The following CTNNA3 variants were observed in gnomAD, a reference collection of about 807,000 sequenced individuals.
CTNNA3 encodes the protein catenin alpha 3.
CTNNA3 carries 76 observed loss-of-function variants against 95.7 expected under a neutral mutation model. The observed-to-expected ratio is 0.79, with a 90% CI of 0.66 to 0.96. The LOEUF (loss-of-function observed/expected upper bound fraction) is 0.96. CTNNA3 is among the 40% of genes least tolerant of loss of function. The probability of loss-of-function intolerance (pLI) is 0.00; values close to 1 mark genes in which losing one functional copy is unlikely to be tolerated. For missense variants in CTNNA3, 1,191 were observed against 1,089.8 expected, an observed-to-expected ratio of 1.09 and a Z score of -1.31; for synonymous variants, 431 against 374.4, an observed-to-expected ratio of 1.15 and a Z score of -1.74.
chr10:66,362,343 CT>C (rs2092682273), intron 12 of CTNNA3, among the ~76,000 whole-genome samples: 1 of 151,438 alleles, frequency 6.6e-6, no homozygotes, highest in Non-Finnish European at 1.5e-5. Context: ...CCTCATGATC[CT>C]CCCACCTCGG....
chr10:66,186,766 G>A (rs1014740218), intron 13 of CTNNA3, among the ~76,000 whole-genome samples: 3 of 152,000 alleles, frequency 2.0e-5, no homozygotes, highest in African/African-American at 7.2e-5. Context: ...GTGTCGTTGT[G>A]GGCAGCAGTA....
At chr10:66,943,532 T>C (rs1848129008) in intron 7 of CTNNA3, among the ~76,000 whole-genome samples, 1 of 139,570 alleles carries the variant, frequency 7.2e-6, no homozygotes, top group Non-Finnish European at 1.6e-5. Context: ...TTTTTTTTTT[T>C]CAGTATTAGC....
intron 7 of CTNNA3, among the ~76,000 whole-genome samples, chr10:66,986,672 C>A (rs2132911531): frequency 6.6e-6 from 1 of 152,218 alleles, no homozygotes; most frequent in East Asian, 1.9e-4. Context: ...GTCAACTATA[C>A]CTTGTAAGTC....
rs114304517 is a variant in CTNNA3, at chr10:66,640,615, G to A, written c.1282-18831C>T. Among the ~76,000 whole-genome samples the A allele has an allele frequency of 1.1e-3, 170 of 152,082 alleles. 1 individual carries two copies. The highest frequency in any genetic ancestry group is 3.8e-3 in the African/African-American group (158 of 41,488). ...ACTATCCGTATCAAAGTATACTTAC[G>A]GGGAGCCAACTTAAGAAAATCATAA... On this transcript the variant is annotated intron_variant, in intron 9 of 17. Transcript: ENST00000433211.
chr10:67,412,662 G>C (rs74844457), intron 5 of CTNNA3, among the ~76,000 whole-genome samples: 4 of 152,098 alleles, frequency 2.6e-5, no homozygotes, highest in Non-Finnish European at 5.9e-5. Flanking sequence ...AGATTTCTCA[G>C]AAAAAACCTT....
At chr10:66,792,854 C>T (rs896607791) in intron 7 of CTNNA3, among the ~76,000 whole-genome samples, 2 of 152,052 alleles carry the variant, frequency 1.3e-5, no homozygotes, top group Non-Finnish European at 2.9e-5. Context: ...TGATTAAAAG[C>T]CACTCTATTT....
intron 10 of CTNNA3, among the ~76,000 whole-genome samples, chr10:66,621,274 T>C (rs1012564039): frequency 2.6e-5 from 4 of 152,136 alleles, no homozygotes; most frequent in African/African-American, 4.8e-5. Context: ...TGTCAGTCTT[T>C]TTCTCTACTC....
intron 7 of CTNNA3, among the ~76,000 whole-genome samples, chr10:66,879,948 T>C (rs1203329484): frequency 6.6e-6 from 1 of 152,034 alleles, no homozygotes; most frequent in Admixed American, 6.6e-5. Flanking sequence ...GTAGAGAGTA[T>C]ACATAATCAA....
intron 7 of CTNNA3, among the ~76,000 whole-genome samples, chr10:66,965,776 T>C (rs959605664): frequency 3.3e-5 from 5 of 152,152 alleles, no homozygotes; most frequent in African/African-American, 4.8e-5. Context: ...TTTCAAAGGA[T>C]ACTTGATATA....
chr10:67,359,138 C>T (rs1842915356), intron 5 of CTNNA3, among the ~76,000 whole-genome samples: 1 of 151,586 alleles, frequency 6.6e-6, no homozygotes, highest in African/African-American at 2.4e-5. Context: ...AGCCTTGGTT[C>T]TCTGAAAGCA....
intron 13 of CTNNA3, among the ~76,000 whole-genome samples, chr10:66,149,826 T>A (rs1193007764): frequency 2.0e-5 from 3 of 152,098 alleles, no homozygotes; most frequent in Admixed American, 1.3e-4. Flanking sequence ...AACAATGGAA[T>A]AAACTATCTC....
chr10:65,988,640 G>A, intron 16 of CTNNA3, 52 bp downstream of exon 16: 1 of 1,422,904 alleles, frequency 7.0e-7, no homozygotes, highest in South Asian at 1.2e-5. Flanking sequence ...TGTTCTAATG[G>A]CAAAGAGCAA....
At chr10:66,614,413 C>T (rs1911327) in intron 10 of CTNNA3, among the ~76,000 whole-genome samples, 1,905 of 152,114 alleles carry the variant, frequency 0.013, 38 homozygotes, top group African/African-American at 0.044. Flanking sequence ...ATCAGCGGAA[C>T]AAAAATTCCT....
intron 12 of CTNNA3, among the ~76,000 whole-genome samples, chr10:66,360,857 C>CTTTT (rs1207441038): frequency 1.9e-5 from 2 of 105,680 alleles, no homozygotes; most frequent in Non-Finnish European, 3.8e-5. Context: ...TTCTTTCTTT[C>CTTTT]CTTTCTCTTT....
chr10:67,227,344 G>T (rs768223683), intron 5 of CTNNA3, among the ~76,000 whole-genome samples: 1 of 152,098 alleles, frequency 6.6e-6, no homozygotes, highest in Non-Finnish European at 1.5e-5. Flanking sequence ...GCCCGCCTTG[G>T]CCTCCCAAAG....
Position 67,299,939 on chromosome 10 carries a change from C to A in CTNNA3, c.580-80069G>T, listed in dbSNP as rs1589140020. Reference sequence around the variant, plus strand: ...TAAGACAGTACATTGGAAGGCTGCACATGTATTTCATTCTTAGAACTACAT... The same window carrying A: ...TAAGACAGTACATTGGAAGGCTGCAAATGTATTTCATTCTTAGAACTACAT... On this transcript the variant is annotated intron_variant, in intron 5 of 17. Coordinates refer to ENST00000433211, the MANE Select transcript of CTNNA3 (RefSeq NM_013266.4). 1.3e-5 allele frequency among the ~76,000 whole-genome samples: 2 copies of A among 152,300 alleles called. 1 individual carries two copies. The highest frequency in any genetic ancestry group is 2.9e-5 in the Non-Finnish European group (2 of 68,024).
chr10:67,731,293 G>A (rs1163749871), intron 1 of CTNNA3, among the ~76,000 whole-genome samples: 1 of 152,060 alleles, frequency 6.6e-6, no homozygotes, highest in Non-Finnish European at 1.5e-5. Context: ...TGAGGCAGAA[G>A]GATCACCTGA....
chr10:66,275,136 G>A (rs1046006153), intron 13 of CTNNA3, among the ~76,000 whole-genome samples: 4 of 151,318 alleles, frequency 2.6e-5, no homozygotes, highest in African/African-American at 9.7e-5. Context: ...CTTCTTTTTG[G>A]AGATGGAATT....
intron 13 of CTNNA3, among the ~76,000 whole-genome samples, chr10:66,103,846 T>C (rs1301305608): frequency 1.3e-5 from 2 of 152,040 alleles, no homozygotes; most frequent in Admixed American, 6.5e-5. Context: ...AAACACTGAG[T>C]TTCATACTTC....
Sources: gnomAD v4.1 joint callset for allele counts (sites outside exome capture counted in the v4.1 genomes callset) on GRCh38, gnomAD v4.1.1 for gene constraint, MANE v1.5 for transcripts, NCBI Gene and HGNC (gene_info 2026-07-23, HGNC 2026-07-21) for gene names.